BAZ2B: variants seen among roughly 807,000 people sequenced by gnomAD.
The protein encoded by BAZ2B is bromodomain adjacent to zinc finger domain protein 2B.
A neutral mutation model predicts 246.0 loss-of-function variants in BAZ2B; 91 were observed. That is an observed-to-expected ratio of 0.37 (90% CI 0.31 to 0.44). The LOEUF (loss-of-function observed/expected upper bound fraction) is 0.44. Ranked by LOEUF, BAZ2B falls within the 20% of genes least tolerant of loss-of-function variation. BAZ2B has a pLI of 1.00. For missense variants in BAZ2B, 2,332 were observed against 2,533.7 expected, an observed-to-expected ratio of 0.92 and a Z score of 1.71; for synonymous variants, 855 against 860.0, an observed-to-expected ratio of 0.99 and a Z score of 0.10.
chr2:159,342,196 C>T (rs1350584333), intron 31 of BAZ2B, among the ~76,000 whole-genome samples: 2 of 152,068 alleles, frequency 1.3e-5, no homozygotes, highest in Non-Finnish European at 2.9e-5. Context: ...GGAAAAAATC[C>T]CATGGTCATA....
the BAZ2B span, among the ~76,000 whole-genome samples, chr2:159,705,050 T>C: frequency 1.3e-5 from 2 of 150,722 alleles, no homozygotes; most frequent in Non-Finnish European, 3.0e-5. Context: ...TCTTGCTCTG[T>C]TGCCCAGGAT....
the BAZ2B span, among the ~76,000 whole-genome samples, chr2:159,668,617 G>T: frequency 2.0e-5 from 3 of 152,010 alleles, no homozygotes; most frequent in Non-Finnish European, 4.4e-5. Flanking sequence ...TCAGACATTG[G>T]TTTTGTCAGT....
chr2:159,585,418 C>A (rs116480998), intron 1 of BAZ2B, among the ~76,000 whole-genome samples: 4,437 of 152,218 alleles, frequency 0.029, 344 homozygotes, highest in Admixed American at 0.18. Flanking sequence ...TGGCCCTCAA[C>A]AGACACATAA....
At chr2:159,385,670 G>A (rs971180769) in intron 22 of BAZ2B, among the ~76,000 whole-genome samples, 6 of 152,136 alleles carry the variant, frequency 3.9e-5, no homozygotes, top group African/African-American at 2.4e-5. Context: ...CTATAAAAGC[G>A]ACACCAACCT....
intron 27 of BAZ2B, among the ~76,000 whole-genome samples, chr2:159,363,347 T>A (rs1306858482): frequency 6.6e-6 from 1 of 152,154 alleles, no homozygotes; most frequent in Admixed American, 6.6e-5. Flanking sequence ...TTAGCGTAAT[T>A]ATAAGAAAAT....
intron 31 of BAZ2B, among the ~76,000 whole-genome samples, chr2:159,341,244 C>A (rs1040620361): frequency 4.3e-5 from 6 of 138,044 alleles, no homozygotes; most frequent in African/African-American, 1.5e-4. Context: ...ATAAAAAAAA[C>A]AAACAAACAA....
intron 1 of BAZ2B, among the ~76,000 whole-genome samples, chr2:159,607,518 C>A (rs1486512038): frequency 1.3e-5 from 2 of 152,098 alleles, no homozygotes; most frequent in Non-Finnish European, 2.9e-5. Context: ...AGGATTGAAA[C>A]TGATTAACCC....
intron 36 of BAZ2B, 123 bp downstream of exon 36, chr2:159,324,665 CACACACACACACACACACACACA>C (rs1307913453): frequency 1.0e-4 from 27 of 270,632 alleles, no homozygotes; most frequent in African/African-American, 6.8e-4. Flanking sequence ...CACACACACA[CACACACACACACACACACACACA>C]CCTGCCTCAA....
At chr2:159,496,375 TAA>T (rs58900011) in intron 2 of BAZ2B, among the ~76,000 whole-genome samples, 30,645 of 58,658 alleles carry the variant, frequency 0.52, 7,266 homozygotes, top group Non-Finnish European at 0.6. Context: ...AGACTCCATC[TAA>T]AAAAAAAAAA....
intron 2 of BAZ2B, among the ~76,000 whole-genome samples, chr2:159,553,637 G>A (rs899579454): frequency 6.6e-6 from 1 of 151,794 alleles, no homozygotes; most frequent in African/African-American, 2.4e-5. Context: ...AGGGAGATCA[G>A]TTAAAAGGTT....
At chr2:159,359,261 ATGATAAAGT>A (rs2059431245) in intron 27 of BAZ2B, among the ~76,000 whole-genome samples, 2 of 152,218 alleles carry the variant, frequency 1.3e-5, no homozygotes, top group Non-Finnish European at 2.9e-5. Flanking sequence ...ACAATAAAAC[ATGATAAAGT>A]GGATATCACC....
the BAZ2B span, among the ~76,000 whole-genome samples, chr2:159,652,857 A>G: frequency 6.6e-6 from 1 of 151,900 alleles, no homozygotes; most frequent in East Asian, 1.9e-4. Flanking sequence ...GGCTCAAGCA[A>G]TTCTCCTATC....
At position 159,386,521 on chromosome 2, in the gene BAZ2B, T is replaced by C. The variant is rs761005821; in HGVS notation, c.3303A>G (p.Arg1101=). The change falls in exon 22 of 37, where the codon CGA becomes CGG. Residue 1101 remains arginine, a synonymous_variant. Coordinates refer to ENST00000392783, the MANE Select transcript of BAZ2B (RefSeq NM_013450.4). ...SDCLMVVQFL[R]NFGKVLGFDV... is the part of the protein sequence containing the mutation. ...CAAAGCCCAAAACTTTACCAAAGTT[T>C]CGTAAGAACTGCACCACCATGAGAC... is the stretch of plus-strand genomic sequence containing the variant. 3 of 1,613,596 alleles carry C rather than the reference T, an allele frequency of 1.9e-6. No individual in the cohort carries two copies. In the South Asian group the frequency reaches 3.3e-5, roughly 18 times the overall value.
At chr2:159,555,017 G>A (rs773009476) in intron 2 of BAZ2B, among the ~76,000 whole-genome samples, 7 of 151,108 alleles carry the variant, frequency 4.6e-5, no homozygotes, top group Admixed American at 6.6e-5. Flanking sequence ...TAAGCAAGAT[G>A]CCTAAAAACT....
intron 7 of BAZ2B, 135 bp downstream of exon 7, chr2:159,438,874 A>G (rs1577045058): frequency 8.1e-7 from 1 of 1,237,722 alleles, no homozygotes; most frequent in East Asian, 2.4e-5. Flanking sequence ...ACATTTCTTC[A>G]TCTTCTTTCT....
chr2:159,552,134 T>A (rs1204050172), intron 2 of BAZ2B, among the ~76,000 whole-genome samples: 2 of 152,120 alleles, frequency 1.3e-5, no homozygotes, highest in African/African-American at 4.8e-5. Context: ...GAATGCAGAG[T>A]ACTCTAAACT....
chr2:159,372,784 T>C (rs2060994142), intron 27 of BAZ2B, among the ~76,000 whole-genome samples: 1 of 152,064 alleles, frequency 6.6e-6, no homozygotes. Context: ...GTAATATAGA[T>C]GGAAATACAA....
chr2:159,648,332 T>A, the BAZ2B span, among the ~76,000 whole-genome samples: 2 of 151,974 alleles, frequency 1.3e-5, no homozygotes, highest in African/African-American at 2.4e-5. Context: ...GAGATGGGGT[T>A]TCAGCATGTT....
chr2:159,436,446 T>G (rs2150241597), intron 8 of BAZ2B, among the ~76,000 whole-genome samples: 1 of 152,322 alleles, frequency 6.6e-6, no homozygotes, highest in Non-Finnish European at 1.5e-5. Flanking sequence ...AATCTCTTGC[T>G]GCTTTAAGAT....
Sources: gnomAD v4.1 joint callset for allele counts (sites outside exome capture counted in the v4.1 genomes callset) on GRCh38, gnomAD v4.1.1 for gene constraint, MANE v1.5 for transcripts, NCBI Gene and HGNC (gene_info 2026-07-23, HGNC 2026-07-21) for gene names.